NPR3: variants seen among roughly 807,000 people sequenced by gnomAD.
The protein encoded by NPR3 is atrial natriuretic peptide receptor 3.
A neutral mutation model predicts 54.5 loss-of-function variants in NPR3; 34 were observed. That is an observed-to-expected ratio of 0.62 (90% CI 0.47 to 0.83). The LOEUF is 0.83. Ranked by LOEUF, NPR3 falls within the 40% of genes least tolerant of loss-of-function variation. NPR3 has a pLI of 0.00. For missense variants in NPR3, 674 were observed against 720.8 expected (o/e 0.94, Z 0.74); for synonymous variants, 289 against 297.1 (o/e 0.97, Z 0.28).
rs191939885 is a variant in NPR3 at position 32,745,328 on chromosome 5, A to C, written c.1059+6298A>C. 5.9e-5 allele frequency among the ~76,000 whole-genome samples: 9 copies of C among 152,292 alleles called. No homozygotes were observed. In the East Asian group the frequency reaches 1.5e-3, roughly 26 times the overall value. ...CAGTGGGGCTCTAGGTATGGCTCAGACAAGTTTTTGCCAAGTACCCGCCTG... is the reference window on the plus strand; with the variant it reads ...CAGTGGGGCTCTAGGTATGGCTCAGCCAAGTTTTTGCCAAGTACCCGCCTG... On this transcript the variant is annotated intron_variant, in intron 3 of 7. Transcript: ENST00000265074.
chr5:32,771,508 G>A (rs765379886), intron 3 of NPR3, among the ~76,000 whole-genome samples: 19 of 152,186 alleles, frequency 1.2e-4, no homozygotes, highest in African/African-American at 4.3e-4. Context: ...GGATTGTAGC[G>A]GGGGCAGCTC....
upstream of NPR3, chr5:32,710,212 GGT>G (rs1738138531): frequency 6.6e-6 from 1 of 152,158 alleles, no homozygotes; most frequent in Non-Finnish European, 1.5e-5. Flanking sequence ...GGGAGGACTG[GGT>G]CTCCGAGGCA....
In NPR3 at chr5:32,787,722, G is replaced by T. The variant is rs568303935; in HGVS notation, c.*1377G>T. ...TTGAGTAAGTTTTTACTGGGTATCT[G>T]CTTTGCACCCAGTAGTCTGCAACAT... On this transcript the variant is annotated 3_prime_UTR_variant, in exon 8 of 8. Coordinates refer to ENST00000265074, the MANE Select transcript of NPR3 (RefSeq NM_001204375.2). 9 of 152,110 alleles carry T rather than the reference G, an allele frequency of 5.9e-5. No individual in the cohort carries two copies. Among genetic ancestry groups the T allele is most frequent in the Non-Finnish European group, 8.8e-5 (6 of 68,020 alleles). The allele number at this position is 152,110 out of a possible 1,614,324, so 9.4% of individuals were successfully genotyped here. A position where few individuals can be genotyped will look rare whatever the true frequency, so the allele number is the denominator to read the frequency against.
chr5:32,702,984 GT>G (rs1388251828), intron 1 of NPR3, among the ~76,000 whole-genome samples: 1 of 152,126 alleles, frequency 6.6e-6, no homozygotes, highest in Non-Finnish European at 1.5e-5. Flanking sequence ...TCTCATTGTG[GT>G]TTTGATTTGC....
In NPR3 at chr5:32,759,820, G is replaced by A. The variant is rs376989257; in HGVS notation, c.1060-14888G>A. Among the ~76,000 whole-genome samples the A allele has an allele frequency of 1.8e-4, 27 of 152,180 alleles. No individual in the cohort carries two copies. In the East Asian group the frequency reaches 2.5e-3, roughly 14 times the overall value. On this transcript the variant is annotated intron_variant, in intron 3 of 7. Coordinates refer to ENST00000265074, the MANE Select transcript of NPR3 (RefSeq NM_001204375.2). ...GGCCTGGTGGTGACAAAATCTCTCC[G>A]CATTTGCTTGTCTGTAAAGTATTTT...
intron 1 of NPR3, among the ~76,000 whole-genome samples, chr5:32,720,111 A>C (rs1488978727): frequency 6.6e-6 from 1 of 152,210 alleles, no homozygotes; most frequent in Non-Finnish European, 1.5e-5. Context: ...AATCACATAT[A>C]GTGCCATTTA....
At chr5:32,782,456 A>G (rs1742386299) in intron 5 of NPR3, among the ~76,000 whole-genome samples, 1 of 152,132 alleles carries the variant, frequency 6.6e-6, no homozygotes. Flanking sequence ...ACAAAGCAAA[A>G]GCCGGGAATT....
chr5:32,765,942 G>C (rs1741426467), intron 3 of NPR3, among the ~76,000 whole-genome samples: 1 of 152,218 alleles, frequency 6.6e-6, no homozygotes, highest in Non-Finnish European at 1.5e-5. Context: ...GAAGGAGCAA[G>C]AGGAGGAAAA....
Position 32,787,302 on chromosome 5 carries a change from A to G in NPR3, c.*957A>G, listed in dbSNP as rs1742691933. ...TATTCAGATTACAAACTCTACAGGA[A>G]TACATCAACATTTTAACTCTTTTGC... On this transcript the variant is annotated 3_prime_UTR_variant, in exon 8 of 8. Transcript: ENST00000265074. 1 of 152,338 alleles carries G rather than the reference A, an allele frequency of 6.6e-6. No individual in the cohort carries two copies. The highest frequency in any genetic ancestry group is 6.5e-5 in the Admixed American group (1 of 15,290). The allele number at this position is 152,338 out of a possible 1,614,324, so 9.4% of individuals were successfully genotyped here.
At chr5:32,736,192 C>T (rs1739733673) in intron 2 of NPR3, among the ~76,000 whole-genome samples, 1 of 140,482 alleles carries the variant, frequency 7.1e-6, no homozygotes, top group Non-Finnish European at 1.5e-5. Flanking sequence ...GATCATGCCA[C>T]TGCCCTCCAG....
chr5:32,779,491 G>T (rs1173746), intron 4 of NPR3, among the ~76,000 whole-genome samples: 10 of 152,256 alleles, frequency 6.6e-5, no homozygotes, highest in African/African-American at 2.4e-4. Flanking sequence ...TGGCCACCCC[G>T]TTCCAGCCTT....
chr5:32,716,347 A>G, intron 1 of NPR3: 2 of 448,020 alleles, frequency 4.5e-6, no homozygotes, highest in Non-Finnish European at 8.9e-6. Flanking sequence ...ATTGACCTTC[A>G]TATCTCTTAA....
At chr5:32,756,549 AGGTTGCCTGTT>A (rs1175228746) in intron 3 of NPR3, among the ~76,000 whole-genome samples, 9 of 152,120 alleles carry the variant, frequency 5.9e-5, no homozygotes, top group African/African-American at 2.2e-4. Context: ...CCCATTCTGT[AGGTTGCCTGTT>A]TACTCTGACG....
intron 7 of NPR3, among the ~76,000 whole-genome samples, 155 bp downstream of exon 7, chr5:32,785,038 T>C (rs1579715255): frequency 6.6e-6 from 1 of 152,014 alleles, no homozygotes. Flanking sequence ...GGACCCCAGG[T>C]TTGGTGTGGT....
intron 1 of NPR3, among the ~76,000 whole-genome samples, chr5:32,701,781 G>A (rs1217120559): frequency 6.6e-6 from 1 of 152,176 alleles, no homozygotes; most frequent in Non-Finnish European, 1.5e-5. Flanking sequence ...ACTTATATAG[G>A]TACTGCCTTG....
Position 32,771,555 on chromosome 5 carries a change from A to G in NPR3, c.1060-3153A>G, listed in dbSNP as rs576985311. 9.9e-5 allele frequency among the ~76,000 whole-genome samples: 15 copies of G among 152,268 alleles called. No individual in the cohort carries two copies. In the East Asian group the frequency reaches 2.9e-3, roughly 29 times the overall value. On this transcript the variant is annotated intron_variant, in intron 3 of 7. Transcript: ENST00000265074. ...CAAGAAGGAAGGAAGGGGAAGGGCTATACAGGATATGGTGCTGGGGCACAC... is the reference window on the plus strand; with the variant it reads ...CAAGAAGGAAGGAAGGGGAAGGGCTGTACAGGATATGGTGCTGGGGCACAC...
At chr5:32,780,441 G>A (rs1284398301) in intron 4 of NPR3, among the ~76,000 whole-genome samples, 2 of 152,138 alleles carry the variant, frequency 1.3e-5, no homozygotes, top group Non-Finnish European at 2.9e-5. Context: ...GCTGCTTTCA[G>A]GATTAGCCTT....
intron 1 of NPR3, among the ~76,000 whole-genome samples, chr5:32,694,529 TTTTA>T (rs1312413612): frequency 6.6e-6 from 1 of 152,182 alleles, no homozygotes; most frequent in Non-Finnish European, 1.5e-5. Context: ...GATATCTGCG[TTTTA>T]TTTATTTTTA....
chr5:32,748,075 A>G (rs1230698861), intron 3 of NPR3, among the ~76,000 whole-genome samples: 1 of 152,152 alleles, frequency 6.6e-6, no homozygotes, highest in Non-Finnish European at 1.5e-5. Context: ...TGAGACTTTG[A>G]GTATCAGAAA....
Sources: gnomAD v4.1 joint callset for allele counts (sites outside exome capture counted in the v4.1 genomes callset) on GRCh38, gnomAD v4.1.1 for gene constraint, MANE v1.5 for transcripts, NCBI Gene and HGNC (gene_info 2026-07-23, HGNC 2026-07-21) for gene names.